UNG: variants seen among roughly 807,000 people sequenced by gnomAD.
The protein encoded by UNG is uracil DNA glycosylase.
In UNG, 34 loss-of-function variants were observed where a neutral mutation model predicts 36.5. The observed-to-expected ratio is 0.93, with a 90% CI of 0.71 to 1.24. UNG has a LOEUF of 1.24. Ranked by LOEUF, UNG falls within the 50% of genes most tolerant of loss-of-function variation. The probability of loss-of-function intolerance (pLI) is 0.00; values close to 1 mark genes in which losing one functional copy is unlikely to be tolerated. For missense variants in UNG, 391 were observed against 397.6 expected, an observed-to-expected ratio of 0.98 and a Z score of 0.14; for synonymous variants, 172 against 157.8, an observed-to-expected ratio of 1.09 and a Z score of -0.67.
chr12:109,098,410 C>T (rs756969903), intron 1 of UNG, 22 bp from the exon 2 acceptor site: 1 of 1,605,026 alleles, frequency 6.2e-7, no homozygotes, highest in African/African-American at 1.3e-5. Flanking sequence ...TCTTGAGCCG[C>T]CTCTGCGGGG....
In UNG at chr12:109,097,686, G is replaced by A. The variant is rs781643146; in HGVS notation, c.7G>A (p.Gly3Ser). The change falls in exon 1 of 7, where the codon GGC becomes AGC. Residue 3 changes from glycine to serine, a missense_variant. Coordinates refer to ENST00000242576, the MANE Select transcript of UNG (RefSeq NM_080911.3). Reference protein sequence around the residue: MIGQKTLYSFFSP... With the variant: MISQKTLYSFFSP... ...CTGCCTCCTCAGCTCCAGGATGATC[G>A]GCCAGAAGACGCTCTACTCCTTTTT... 6.2e-7 allele frequency: 1 copy of A among 1,604,880 alleles called. No homozygotes were observed.
Position 109,097,607 on chromosome 12 carries a change from C to A in UNG, c.-73C>A. 2 of 1,563,096 alleles carry A rather than the reference C, an allele frequency of 1.3e-6. No individual in the cohort carries two copies. The highest frequency in any genetic ancestry group is 1.7e-6 in the Non-Finnish European group (2 of 1,153,646). On this transcript the variant is annotated 5_prime_UTR_variant, in exon 1 of 7. Transcript: ENST00000242576. ...GGGCCGCTTGGCGCCAATTGCTGACCGCCACAGCCACAGCCAGGGCTAGCC... is the reference window on the plus strand; with the variant it reads ...GGGCCGCTTGGCGCCAATTGCTGACAGCCACAGCCACAGCCAGGGCTAGCC...
At chr12:109,099,448 A>G in intron 3 of UNG, 164 bp downstream of exon 3, 1 of 660,434 alleles carries the variant, frequency 1.5e-6, no homozygotes. Context: ...TACTCTTTTT[A>G]ATGTTTACCA....
Position 109,098,491 on chromosome 12 carries a change from G to A in UNG, c.192G>A (p.Ser64=). 1 of 1,612,346 alleles carries A rather than the reference G, an allele frequency of 6.2e-7. No homozygotes were observed. Among genetic ancestry groups the A allele is most frequent in the East Asian group, 2.2e-5 (1 of 44,868 alleles). ...AGGAGCCTGGGACGCCGCCCTCCTC[G>A]CCGCTGAGTGCCGAGCAGTTGGACC... ...GQEEPGTPPS[S]PLSAEQLDRI... The change falls in exon 2 of 7, where the codon TCG becomes TCA. Residue 64 remains serine (S), a synonymous_variant. Coordinates refer to ENST00000242576, the MANE Select transcript of UNG (RefSeq NM_080911.3).
chr12:109,103,362 T>G, intron 5 of UNG, 71 bp from the exon 6 acceptor site: 1 of 1,410,778 alleles, frequency 7.1e-7, no homozygotes, highest in Non-Finnish European at 1.0e-6. Flanking sequence ...ATCATGGATT[T>G]AGCTCCTGTT....
chr12:109,099,534 AAACT>A (rs2042161118), intron 3 of UNG, among the ~76,000 whole-genome samples: 1 of 152,190 alleles, frequency 6.6e-6, no homozygotes, highest in African/African-American at 2.4e-5. Context: ...TTAAATCCTG[AAACT>A]AACCTCCCGC....
At chr12:109,107,922 G>C (rs978963660) in intron 6 of UNG, among the ~76,000 whole-genome samples, 2 of 152,040 alleles carry the variant, frequency 1.3e-5, no homozygotes, top group African/African-American at 4.8e-5. Context: ...AGTTCAGAAA[G>C]GCACAAAATG....
At chr12:109,103,991 C>T (rs533842021) in intron 6 of UNG, among the ~76,000 whole-genome samples, 38 of 152,214 alleles carry the variant, frequency 2.5e-4, no homozygotes, top group African/African-American at 8.9e-4. Flanking sequence ...AAGAATTCCA[C>T]TCAATCACAA....
Position 109,110,632 on chromosome 12 carries a change from G to C in UNG, c.*663G>C, listed in dbSNP as rs2042253968. 6.5e-6 allele frequency: 1 copy of C among 152,910 alleles called. No homozygotes were observed. The highest frequency in any genetic ancestry group is 1.5e-5 in the Non-Finnish European group (1 of 68,700). The allele number at this position is 152,910 out of a possible 1,614,324, so 9.5% of individuals were successfully genotyped here. On this transcript the variant is annotated 3_prime_UTR_variant, in exon 7 of 7. Transcript: ENST00000242576. ...TCCTTGGGTGTTGGTGGAATAAGCA[G>C]TGGAATTTGAACAAGGAAGAGGAGA...
In UNG at chr12:109,098,630, T is replaced by C. The variant is rs756074826; in HGVS notation, c.331T>C (p.Phe111Leu). 2 of 1,613,526 alleles carry C rather than the reference T, an allele frequency of 1.2e-6. No homozygotes were observed. Among genetic ancestry groups the C allele is most frequent in the South Asian group, 2.2e-5 (2 of 91,084 alleles). The change falls in exon 2 of 7, where the codon TTT (phenylalanine) becomes CTT (leucine). Residue 111 changes from phenylalanine (F) to leucine (L), a missense_variant. Transcript: ENST00000242576. ...HLSGEFGKPY[F>L]IKLMGFVAEE... The stretch of plus-strand genomic sequence containing the variant: ...CAGCGGGGAGTTCGGGAAACCGTAT[T>C]TTATCAAGGTAAATATGGAAATGCA...
At chr12:109,106,892 C>CGTGTATATATATATGTGT (rs2042219513) in intron 6 of UNG, among the ~76,000 whole-genome samples, 2 of 8,692 alleles carry the variant, frequency 2.3e-4, no homozygotes, top group African/African-American at 1.9e-3. Flanking sequence ...TATATATACA[C>CGTGTATATATATATGTGT]ATATATATAT....
chr12:109,110,083 C>A lies in UNG; in HGVS notation c.*114C>A. ...AAGTACTCTGCATAAGGGGGAAAAGCTTCCAGAAAGCAGCCATGAACCAGG... is the reference window on the plus strand; with the variant it reads ...AAGTACTCTGCATAAGGGGGAAAAGATTCCAGAAAGCAGCCATGAACCAGG... On this transcript the variant is annotated 3_prime_UTR_variant, in exon 7 of 7. Transcript: ENST00000242576. 1.4e-6 allele frequency: 2 copies of A among 1,473,004 alleles called. No homozygotes were observed. Among genetic ancestry groups the A allele is most frequent in the Non-Finnish European group, 1.9e-6 (2 of 1,078,692 alleles). 91.2% of individuals were successfully genotyped at this position (1,473,004 alleles called of 1,614,324 possible).
At chr12:109,102,493 C>T (rs1010946187) in intron 4 of UNG, among the ~76,000 whole-genome samples, 2 of 151,764 alleles carry the variant, frequency 1.3e-5, no homozygotes, top group Non-Finnish European at 2.9e-5. Flanking sequence ...AAAAGAACCA[C>T]TGCTTTTGGA....
rs1372121586 is a variant in UNG at position 109,099,304 on chromosome 12, A to T, written c.435+20A>T. The T allele has an allele frequency of 6.3e-7, 1 of 1,599,846 alleles. No homozygotes were observed. The highest frequency in any genetic ancestry group is 8.6e-7 in the Non-Finnish European group (1 of 1,167,192). On this transcript the variant is annotated intron_variant, in intron 3 of 6. Transcript: ENST00000242576. ...AAAGATGTAAGTACAACTTGTTGAT[A>T]ATTTTTATTGGGGAGAAGGAGTCAA...
rs762578814 is a variant in UNG, at chr12:109,103,616, G to A, written c.801+5G>A. 12 of 1,605,742 alleles carry A rather than the reference G, an allele frequency of 7.5e-6. No homozygotes were observed. In the East Asian group the frequency reaches 2.0e-4, roughly 27 times the overall value. ...AAGGGCAGTGCCATTGATAGGGTAT[G>A]TTTTGTTTTCTTTCTTTTTTTTCTT... On this transcript the variant is annotated splice_donor_5th_base_variant and intron_variant, in intron 6 of 6. Coordinates refer to ENST00000242576, the MANE Select transcript of UNG (RefSeq NM_080911.3).
chr12:109,107,711 G>A (rs901949809), intron 6 of UNG, among the ~76,000 whole-genome samples: 2 of 151,504 alleles, frequency 1.3e-5, no homozygotes, highest in African/African-American at 4.9e-5. Context: ...TTTTAGTAGA[G>A]ACGGAGTTTC....
At chr12:109,102,808 G>C in intron 4 of UNG, 31 bp from the exon 5 acceptor site, 1 of 1,549,438 alleles carries the variant, frequency 6.5e-7, no homozygotes, top group Non-Finnish European at 8.9e-7. Flanking sequence ...TTAAGATTCT[G>C]TTTTTTGTTT....
intron 6 of UNG, among the ~76,000 whole-genome samples, chr12:109,106,171 T>C (rs1194013781): frequency 2.0e-5 from 3 of 152,228 alleles, no homozygotes; most frequent in Non-Finnish European, 4.4e-5. Context: ...ACTCAGCCCC[T>C]GTGATCCTCA....
Position 109,108,922 on chromosome 12 carries a change from G to A in UNG, c.802-907G>A, listed in dbSNP as rs373083340. ...ACTGGGATTACAGGTGTAAGCCACC[G>A]TGACTGGCCCCGTTCTATTTTTCAC... On this transcript the variant is annotated intron_variant, in intron 6 of 6. Coordinates refer to ENST00000242576, the MANE Select transcript of UNG (RefSeq NM_080911.3). Among the ~76,000 whole-genome samples the A allele has an allele frequency of 2.8e-4, 43 of 152,244 alleles. 1 individual carries two copies. Among genetic ancestry groups the A allele is most frequent in the African/African-American group, 8.4e-4 (35 of 41,544 alleles).
Sources: allele counts gnomAD v4.1 joint callset (sites outside exome capture counted in the v4.1 genomes callset), GRCh38; gene constraint gnomAD v4.1.1; transcripts MANE v1.5; gene names NCBI Gene and HGNC (gene_info 2026-07-23, HGNC 2026-07-21).